Variants in RALYL observed in about 807,000 individuals in gnomAD.
The protein encoded by RALYL is RALY RNA binding protein like.
RALYL carries 29 observed loss-of-function variants against 35.1 expected under a neutral mutation model. The observed-to-expected ratio is 0.83, with a 90% CI of 0.61 to 1.13. The LOEUF (loss-of-function observed/expected upper bound fraction) is 1.13, where lower values mean the gene tolerates loss of function less well. RALYL is among the 50% of genes most tolerant of loss of function. RALYL has a pLI of 0.00. For synonymous variants in RALYL, 120 were observed against 127.6 expected, an observed-to-expected ratio of 0.94 and a Z score of 0.40; for missense variants, 359 against 360.4, an observed-to-expected ratio of 1.00 and a Z score of 0.03.
chr8:84,543,092 G>C (rs2060123379), intron 2 of RALYL, among the ~76,000 whole-genome samples: 1 of 151,896 alleles, frequency 6.6e-6, no homozygotes, highest in African/African-American at 2.4e-5. Flanking sequence ...TGTGTTTCTT[G>C]TACTTCCTGG....
intron 2 of RALYL, among the ~76,000 whole-genome samples, chr8:84,641,099 C>T (rs1826206054): frequency 6.6e-6 from 1 of 151,282 alleles, no homozygotes; most frequent in Non-Finnish European, 1.5e-5. Flanking sequence ...TTCATATAAA[C>T]TCTTTTTTCA....
intron 1 of RALYL, among the ~76,000 whole-genome samples, chr8:84,444,210 T>C (rs980288294): frequency 1.3e-5 from 2 of 152,036 alleles, no homozygotes; most frequent in Non-Finnish European, 2.9e-5. Flanking sequence ...GTGTCTATAG[T>C]CCTAGATGCT....
At chr8:84,326,216 A>G (rs1026805304) in intron 1 of RALYL, among the ~76,000 whole-genome samples, 1 of 152,236 alleles carries the variant, frequency 6.6e-6, no homozygotes, top group African/African-American at 2.4e-5. Context: ...TTATAGTGTC[A>G]TATGTAATGT....
chr8:84,608,731 T>C (rs1466522), intron 2 of RALYL, among the ~76,000 whole-genome samples: 44,078 of 151,998 alleles, frequency 0.29, 7,139 homozygotes, highest in African/African-American at 0.43. Context: ...CACTGTAACA[T>C]CTCATTGCCA....
chr8:84,834,012 C>G (rs1185615965), intron 4 of RALYL, among the ~76,000 whole-genome samples: 5 of 152,074 alleles, frequency 3.3e-5, no homozygotes, highest in Non-Finnish European at 5.9e-5. Context: ...CCATAAAGAG[C>G]TTGTGTAGTT....
chr8:84,683,470 G>A (rs1836062356), intron 2 of RALYL, among the ~76,000 whole-genome samples: 1 of 152,036 alleles, frequency 6.6e-6, no homozygotes, highest in Non-Finnish European at 1.5e-5. Flanking sequence ...TTATAGTGTA[G>A]CAGTCTAAGT....
intron 3 of RALYL, among the ~76,000 whole-genome samples, chr8:84,783,102 A>G (rs1818574805): frequency 1.3e-5 from 1 of 79,064 alleles, no homozygotes; most frequent in South Asian, 2.9e-4. Flanking sequence ...ATTCCAGGAT[A>G]TGTTTTTCCT....
At chr8:84,270,372 G>A (rs914284196) in intron 1 of RALYL, among the ~76,000 whole-genome samples, 2 of 152,072 alleles carry the variant, frequency 1.3e-5, no homozygotes, top group African/African-American at 4.8e-5. Context: ...ACAAGACAAA[G>A]GCAAATATAG....
intron 1 of RALYL, among the ~76,000 whole-genome samples, chr8:84,406,770 C>A (rs570230619): frequency 9.2e-5 from 14 of 151,902 alleles, no homozygotes; most frequent in African/African-American, 3.4e-4. Context: ...CATTAAGGAA[C>A]CTCATGCATT....
intron 2 of RALYL, among the ~76,000 whole-genome samples, chr8:84,616,471 C>T (rs1333754780): frequency 1.3e-5 from 2 of 149,024 alleles, no homozygotes; most frequent in Non-Finnish European, 3.0e-5. Context: ...TGTTTGAGTT[C>T]ATTGTAGATT....
intron 2 of RALYL, among the ~76,000 whole-genome samples, chr8:84,753,901 A>G (rs535434409): frequency 6.6e-6 from 1 of 152,140 alleles, no homozygotes; most frequent in South Asian, 2.1e-4. Flanking sequence ...GATGATGAGC[A>G]TTTTTTCATG....
At chr8:84,859,704 T>G (rs1413380537) in intron 5 of RALYL, among the ~76,000 whole-genome samples, 2 of 151,694 alleles carry the variant, frequency 1.3e-5, no homozygotes, top group Admixed American at 6.6e-5. Flanking sequence ...ACAAAAAAAT[T>G]TATCCAGGCA....
chr8:84,823,810 C>T (rs1054788945), intron 4 of RALYL, among the ~76,000 whole-genome samples: 2 of 151,946 alleles, frequency 1.3e-5, no homozygotes, highest in African/African-American at 2.4e-5. Context: ...TTCAGCTTCT[C>T]TATATTTTTT....
rs955788703 is a variant in RALYL at position 84,839,473 on chromosome 8, G to A, written c.366-10507G>A. On this transcript the variant is annotated intron_variant, in intron 4 of 8. Transcript: ENST00000521268. ...AGTAGGTAAACAAAATGGCCAGGAA[G>A]CTCGAACTGGGTGGAGCCCACCACA... Among the ~76,000 whole-genome samples, 34 of 152,232 alleles carry A rather than the reference G, an allele frequency of 2.2e-4. 1 individual carries two copies. The highest frequency in any genetic ancestry group is 1.0e-4 in the Non-Finnish European group (7 of 68,040).
chr8:84,459,823 A>G (rs896412014), intron 1 of RALYL, among the ~76,000 whole-genome samples: 1 of 151,814 alleles, frequency 6.6e-6, no homozygotes, highest in African/African-American at 2.4e-5. Flanking sequence ...CTGCGAAGCT[A>G]TAAGGAATGA....
chr8:84,853,500 A>G (rs1563747628), intron 5 of RALYL, among the ~76,000 whole-genome samples: 1 of 152,350 alleles, frequency 6.6e-6, no homozygotes, highest in African/African-American at 2.4e-5. Context: ...ACTCTCTACT[A>G]TACAAGAACT....
In RALYL at chr8:84,353,904, G is replaced by A. The variant is rs184386727; in HGVS notation, c.-24+169480G>A. 1.0e-3 allele frequency among the ~76,000 whole-genome samples: 153 copies of A among 150,060 alleles called. 13 individuals are homozygous for A. Among genetic ancestry groups the A allele is most frequent in the African/African-American group, 3.7e-3 (150 of 40,396 alleles). On this transcript the variant is annotated intron_variant, in intron 1 of 8. Coordinates refer to ENST00000521268, the MANE Select transcript of RALYL (RefSeq NM_173848.7). The stretch of plus-strand genomic sequence containing the variant: ...CATTATATAACAAAAGGATCATTTT[G>A]AGTAAGAGATTTTTGACTTTAAAGC...
intron 3 of RALYL, among the ~76,000 whole-genome samples, chr8:84,794,950 G>T (rs944831496): frequency 1.3e-5 from 2 of 152,340 alleles, no homozygotes; most frequent in East Asian, 3.9e-4. Flanking sequence ...AACTGCCACA[G>T]AGATTCTTGG....
chr8:84,352,985 G>A lies in RALYL; in HGVS notation c.-24+168561G>A, dbSNP rs372570785. ...AGTTAGGTAAGGTGCCAATTGCCGC[G>A]ACCCCTGTTGGACCACCCCTAGACG... On this transcript the variant is annotated intron_variant, in intron 1 of 8. Transcript: ENST00000521268. Among the ~76,000 whole-genome samples the A allele has an allele frequency of 1.7e-3, 249 of 150,070 alleles. 18 individuals are homozygous for A. Among genetic ancestry groups the A allele is most frequent in the African/African-American group, 5.6e-3 (225 of 40,342 alleles).
Sources: gnomAD v4.1 joint callset for allele counts (sites outside exome capture counted in the v4.1 genomes callset) on GRCh38, gnomAD v4.1.1 for gene constraint, MANE v1.5 for transcripts, NCBI Gene and HGNC (gene_info 2026-07-23, HGNC 2026-07-21) for gene names.